NRG2: variants seen among roughly 807,000 people sequenced by gnomAD.
NRG2 encodes pro-neuregulin-2, membrane-bound isoform.
Under a neutral mutation model 73.9 loss-of-function variants are expected in NRG2, and 27 were observed. The observed-to-expected ratio is 0.37, with a 90% CI of 0.27 to 0.50. The LOEUF is 0.50. Among genes scored for constraint, NRG2 ranks in the 20% least tolerant of loss-of-function variants. The probability of loss-of-function intolerance (pLI) is 0.96; values close to 1 mark genes in which losing one functional copy is unlikely to be tolerated. For synonymous variants in NRG2, 532 were observed against 541.0 expected, an observed-to-expected ratio of 0.98 and a Z score of 0.23; for missense variants, 1,126 against 1,210.1, an observed-to-expected ratio of 0.93 and a Z score of 1.03.
Position 139,868,023 on chromosome 5 carries a change from T to C in NRG2, c.1113-2398A>G, listed in dbSNP as rs983669316. Among the ~76,000 whole-genome samples the C allele has an allele frequency of 5.9e-5, 9 of 152,160 alleles. No individual in the cohort carries two copies. The highest frequency in any genetic ancestry group is 1.9e-4 in the African/African-American group (8 of 41,426). ...GGACTATCCTGACTACAGACTTACA[T>C]CTTTCATGGCCGCTGAGTTGCACAA... On this transcript the variant is annotated intron_variant, in intron 4 of 9. Coordinates refer to ENST00000361474, the MANE Select transcript of NRG2 (RefSeq NM_004883.3). The surrounding 1 kb of genome is among the most constrained non-coding windows in gnomAD (Gnocchi z 4.2).
At chr5:139,885,777 T>G (rs1581862179) in intron 2 of NRG2, among the ~76,000 whole-genome samples, 2 of 146,676 alleles carry the variant, frequency 1.4e-5, no homozygotes, top group African/African-American at 5.1e-5. Flanking sequence ...CCAGGTAGGG[T>G]GGGATGATGA....
In NRG2 at chr5:140,042,835, G is replaced by T. The variant is rs1282321901; in HGVS notation, c.235C>A (p.Arg79=). ...QQPQPRSPAA[R]RAAARSRAAA... is the part of the protein sequence containing the mutation. ...GCTCGCGAACGGGCGGCGGCTCTCC[G>T]GGCTGCGGGGCTGCGGGGCTGCGGC... Residue 79 remains arginine (R), a synonymous_variant, in exon 1 of 10, where the codon CGG becomes AGG. Coordinates refer to ENST00000361474, the MANE Select transcript of NRG2 (RefSeq NM_004883.3). 4 of 1,458,148 alleles carry T rather than the reference G, an allele frequency of 2.7e-6. No individual in the cohort carries two copies. Among genetic ancestry groups the T allele is most frequent in the Non-Finnish European group, 3.6e-6 (4 of 1,108,332 alleles). 90.3% of individuals were successfully genotyped at this position (1,458,148 alleles called of 1,614,324 possible). A position where few individuals can be genotyped will look rare whatever the true frequency, so the allele number is the denominator to read the frequency against.
Position 139,852,677 on chromosome 5 carries a change from T to A in NRG2, c.1417-118A>T. 1 of 1,473,696 alleles carries A rather than the reference T, an allele frequency of 6.8e-7. No homozygotes were observed. Among genetic ancestry groups the A allele is most frequent in the Non-Finnish European group, 9.2e-7 (1 of 1,083,586 alleles). The allele number at this position is 1,473,696 out of a possible 1,614,324, so 91.3% of individuals were successfully genotyped here. A position where few individuals can be genotyped will look rare whatever the true frequency, so the allele number is the denominator to read the frequency against. On this transcript the variant is annotated intron_variant, in intron 7 of 9. Coordinates refer to ENST00000361474, the MANE Select transcript of NRG2 (RefSeq NM_004883.3). The surrounding 1 kb of genome is among the most constrained non-coding windows in gnomAD (Gnocchi z 4.4). ...CTCCTGGTTGGGGAGACCCACTGTG[T>A]GAGAGTGACTTGATGTTGGGGCAGC...
chr5:139,982,309 C>G (rs916193178), intron 1 of NRG2, among the ~76,000 whole-genome samples: 3 of 152,154 alleles, frequency 2.0e-5, no homozygotes, highest in African/African-American at 7.2e-5. Context: ...AGCCTCAGCA[C>G]TGTCCAAGCA....
chr5:139,969,937 C>T (rs778895321), intron 1 of NRG2, among the ~76,000 whole-genome samples: 1 of 152,090 alleles, frequency 6.6e-6, no homozygotes, highest in Admixed American at 6.5e-5. Context: ...ATAAATAAAG[C>T]AATAAAAACA....
intron 1 of NRG2, among the ~76,000 whole-genome samples, chr5:139,907,371 C>A (rs1434920200): frequency 1.3e-5 from 2 of 152,186 alleles, no homozygotes; most frequent in African/African-American, 4.8e-5. Flanking sequence ...GAACACTTGA[C>A]TGTTGTTTTT....
chr5:139,992,564 G>T (rs171951), intron 1 of NRG2, among the ~76,000 whole-genome samples: 53,054 of 152,010 alleles, frequency 0.35, 9,760 homozygotes, highest in East Asian at 0.62. Context: ...ACGTCCTTAT[G>T]TAGAAAGATG....
At chr5:139,953,441 G>A (rs912692598) in intron 1 of NRG2, among the ~76,000 whole-genome samples, 9 of 152,048 alleles carry the variant, frequency 5.9e-5, no homozygotes, top group African/African-American at 1.9e-4. Flanking sequence ...ATCTATCTAC[G>A]CCTCTTGTCC....
At chr5:140,023,467 C>T (rs988669088) in intron 1 of NRG2, among the ~76,000 whole-genome samples, 1 of 152,210 alleles carries the variant, frequency 6.6e-6, no homozygotes, top group African/African-American at 2.4e-5. Flanking sequence ...TTCTCGTTCT[C>T]TGAATCCTAT....
chr5:139,879,774 G>T (rs1172561734), intron 3 of NRG2, among the ~76,000 whole-genome samples: 1 of 152,194 alleles, frequency 6.6e-6, no homozygotes, highest in Non-Finnish European at 1.5e-5. Context: ...AGGCAGGTGT[G>T]AGAAAGATCC....
At chr5:139,871,385 CAG>C (rs144810481) in intron 4 of NRG2, among the ~76,000 whole-genome samples, 7 of 150,902 alleles carry the variant, frequency 4.6e-5, no homozygotes, top group East Asian at 1.9e-4. Context: ...CTGAGGGAGG[CAG>C]AGAGAGAGAG....
chr5:139,923,885 T>A (rs541752206), intron 1 of NRG2, among the ~76,000 whole-genome samples: 21 of 152,130 alleles, frequency 1.4e-4, no homozygotes, highest in Non-Finnish European at 2.1e-4. Context: ...ACCCAAACAA[T>A]ACCAGGTGGG....
intron 6 of NRG2, 125 bp downstream of exon 6, chr5:139,855,551 T>C: frequency 1.3e-6 from 1 of 782,042 alleles, no homozygotes; most frequent in Non-Finnish European, 2.2e-6. Flanking sequence ...CCCCGAGGGG[T>C]AGTTGGGGCC....
intron 1 of NRG2, among the ~76,000 whole-genome samples, chr5:139,940,230 T>A (rs944647442): frequency 6.6e-6 from 1 of 152,200 alleles, no homozygotes; most frequent in Non-Finnish European, 1.5e-5. Context: ...CACATTGTGA[T>A]ATATAAAAAC....
At position 139,868,440 on chromosome 5, in the gene NRG2, A is replaced by C. The variant is rs1762629204; in HGVS notation, c.1113-2815T>G. On this transcript the variant is annotated intron_variant, in intron 4 of 9. Transcript: ENST00000361474. The surrounding 1 kb of genome is among the most constrained non-coding windows in gnomAD (Gnocchi z 4.2). ...CACTGAAACTGGGATTGACCCTCTGATTTTCAGGGGGCACAGAGGACAGAT... is the reference window on the plus strand; with the variant it reads ...CACTGAAACTGGGATTGACCCTCTGCTTTTCAGGGGGCACAGAGGACAGAT... Among the ~76,000 whole-genome samples, 1 of 151,924 alleles carries C rather than the reference A, an allele frequency of 6.6e-6. No individual in the cohort carries two copies. The highest frequency in any genetic ancestry group is 2.4e-5 in the African/African-American group (1 of 41,338).
chr5:139,936,308 G>A (rs1752849297), intron 1 of NRG2, among the ~76,000 whole-genome samples: 1 of 151,964 alleles, frequency 6.6e-6, no homozygotes, highest in Admixed American at 6.6e-5. Flanking sequence ...ATATAAATTA[G>A]CAGTATCAAC....
intron 1 of NRG2, among the ~76,000 whole-genome samples, chr5:140,016,617 C>A (rs1175836848): frequency 6.6e-6 from 1 of 152,160 alleles, no homozygotes; most frequent in Non-Finnish European, 1.5e-5. Context: ...TAGTTACTAC[C>A]ATAAATAAGA....
rs570340041 is a variant in NRG2 at position 139,851,362 on chromosome 5, C to T, written c.1772+242G>A. 6.6e-6 allele frequency among the ~76,000 whole-genome samples: 1 copy of T among 152,306 alleles called. No individual in the cohort carries two copies. The highest frequency in any genetic ancestry group is 1.9e-4 in the East Asian group (1 of 5,184). Reference sequence around the variant, plus strand: ...TAGTGTGAAAAGTGTCCTGGGAGGACAATTAAATTAGATGGTCACTGTCCA... The same window carrying T: ...TAGTGTGAAAAGTGTCCTGGGAGGATAATTAAATTAGATGGTCACTGTCCA... On this transcript the variant is annotated intron_variant, in intron 9 of 9. Transcript: ENST00000361474. This position sits in a 1 kb window ranked among gnomAD's most constrained non-coding sequence, Gnocchi z 4.2.
At chr5:139,883,544 A>G (rs1763676014) in intron 2 of NRG2, among the ~76,000 whole-genome samples, 1 of 152,114 alleles carries the variant, frequency 6.6e-6, no homozygotes, top group Admixed American at 6.5e-5. Flanking sequence ...ATGCCCAGAC[A>G]GAGTGCGGCC....
Sources: gnomAD v4.1 joint callset for allele counts (sites outside exome capture counted in the v4.1 genomes callset) on GRCh38, gnomAD v4.1.1 for gene constraint, Gnocchi (gnomAD v3.1) non-coding constraint, MANE v1.5 for transcripts, NCBI Gene and HGNC (gene_info 2026-07-23, HGNC 2026-07-21) for gene names.